The following METAP1D variants were observed in gnomAD, a reference collection of about 807,000 sequenced individuals.
METAP1D encodes the protein methionine aminopeptidase 1D, mitochondrial.
METAP1D carries 31 observed loss-of-function variants against 40.5 expected under a neutral mutation model. That is an observed-to-expected ratio of 0.77 (90% CI 0.58 to 1.03). METAP1D has a LOEUF of 1.03. METAP1D is among the 50% of genes least tolerant of loss of function. The probability of loss-of-function intolerance (pLI) is 0.00; values close to 1 mark genes in which losing one functional copy is unlikely to be tolerated. For synonymous variants in METAP1D, 151 were observed against 146.4 expected (o/e 1.03, Z -0.22); for missense variants, 411 against 420.7 (o/e 0.98, Z 0.20).
In METAP1D at chr2:172,017,729, A is replaced by T. The variant is rs372684849; in HGVS notation, c.40+17720A>T. The stretch of plus-strand genomic sequence containing the variant: ...ACTTGAGGCCCTTCAAGCTGTCATC[A>T]TATCAGAGGTGATAAGACCCAGTGA... On this transcript the variant is annotated intron_variant, in intron 1 of 9. Transcript: ENST00000315796. Among the ~76,000 whole-genome samples, 318 of 152,346 alleles carry T rather than the reference A, an allele frequency of 2.1e-3. 1 individual carries two copies. The highest frequency in any genetic ancestry group is 0.019 in the South Asian group (94 of 4,824).
At chr2:172,018,943 G>A (rs949569180) in intron 1 of METAP1D, among the ~76,000 whole-genome samples, 4 of 152,080 alleles carry the variant, frequency 2.6e-5, no homozygotes, top group Admixed American at 6.6e-5. Context: ...GTCTTTCCTT[G>A]TCTTTCATGA....
At chr2:172,025,933 T>G in intron 1 of METAP1D, among the ~76,000 whole-genome samples, 1 of 152,348 alleles carries the variant, frequency 6.6e-6, no homozygotes, top group Non-Finnish European at 1.5e-5. Flanking sequence ...AATATTTTAG[T>G]AGGCATCTCT....
intron 1 of METAP1D, among the ~76,000 whole-genome samples, chr2:172,042,340 CATATATACATATATACATATGT>C (rs1689571059): frequency 2.3e-5 from 1 of 44,152 alleles, no homozygotes; most frequent in South Asian, 6.1e-4. Context: ...TACATGTGTA[CATATATACATATATACATATGT>C]ATGTGTACAT....
chr2:172,061,182 A>G (rs1690132707), intron 1 of METAP1D, among the ~76,000 whole-genome samples: 2 of 152,252 alleles, frequency 1.3e-5, no homozygotes, highest in Admixed American at 1.3e-4. Context: ...ACATTGCCAC[A>G]TAAGGTATTA....
chr2:172,066,168 C>A, intron 4 of METAP1D, 96 bp from the exon 5 acceptor site: 2 of 908,248 alleles, frequency 2.2e-6, no homozygotes, highest in South Asian at 1.5e-5. Flanking sequence ...TCACTGCATC[C>A]CATTGGGTTT....
At position 172,080,132 on chromosome 2, in the gene METAP1D, A is replaced by T. The variant is rs749923812; in HGVS notation, c.855A>T (p.Pro285=). 6.2e-7 allele frequency: 1 copy of T among 1,613,932 alleles called. No homozygotes were observed. The highest frequency in any genetic ancestry group is 1.3e-5 in the African/African-American group (1 of 75,070). ...TAAATATTTTTCCTCTTACAGAGCC[A>T]ATCATCACGGAGGGATCCCCTGAAT... is the stretch of plus-strand genomic sequence containing the variant. ...MEEGMAFTIE[P]IITEGSPEFK... Residue 285 remains proline (P), a synonymous_variant, in exon 9 of 10, where the codon CCA becomes CCT. Coordinates refer to ENST00000315796, the MANE Select transcript of METAP1D (RefSeq NM_199227.3).
At chr2:172,038,379 T>C (rs1421878681) in intron 1 of METAP1D, among the ~76,000 whole-genome samples, 1 of 152,172 alleles carries the variant, frequency 6.6e-6, no homozygotes, top group Non-Finnish European at 1.5e-5. Flanking sequence ...AGTGTAGAGC[T>C]AACTATCCAT....
Position 172,065,593 on chromosome 2 carries a change from T to G in METAP1D, c.349-11T>G, listed in dbSNP as rs571686031. On this transcript the variant is annotated splice_polypyrimidine_tract_variant and intron_variant, in intron 3 of 9. Transcript: ENST00000315796. The stretch of plus-strand genomic sequence containing the variant: ...ATTGTTGCTGCACAATTTCTTTATT[T>G]AACATTTTAGGTTGACATGACAACT... 5.0e-6 allele frequency: 8 copies of G among 1,611,832 alleles called. No homozygotes were observed. The South Asian group carries it at 7.7e-5, about 16-fold the overall frequency.
At position 172,076,204 on chromosome 2, in the gene METAP1D, AT is replaced by A. The variant is rs367854625; in HGVS notation, c.705-1582del. Among the ~76,000 whole-genome samples the A allele has an allele frequency of 2.2e-3, 325 of 146,892 alleles. 7 individuals carry two copies. The East Asian group carries it at 0.035, about 16-fold the overall frequency. On this transcript the variant is annotated intron_variant, in intron 6 of 9. Coordinates refer to ENST00000315796, the MANE Select transcript of METAP1D (RefSeq NM_199227.3). ...TAAAAACAAAAAAAAAAGAACCTAG[AT>A]TTTTTTTTTTAGAAGAGAAAATAGA...
intron 1 of METAP1D, among the ~76,000 whole-genome samples, chr2:172,018,269 C>T (rs570749304): frequency 2.7e-4 from 41 of 152,184 alleles, no homozygotes; most frequent in Non-Finnish European, 5.4e-4. Flanking sequence ...TCTACCCTTG[C>T]TGCCTCTCTT....
intron 1 of METAP1D, among the ~76,000 whole-genome samples, chr2:172,029,957 T>G (rs1434106976): frequency 6.6e-6 from 1 of 152,196 alleles, no homozygotes; most frequent in East Asian, 1.9e-4. Context: ...GGTTTCACTA[T>G]GTTGGCCAGG....
intron 1 of METAP1D, among the ~76,000 whole-genome samples, chr2:172,031,373 C>T (rs761993695): frequency 5.3e-5 from 8 of 151,808 alleles, no homozygotes; most frequent in Non-Finnish European, 8.8e-5. Flanking sequence ...GAGACACTCC[C>T]CTACCAGGGG....
Position 172,066,287 on chromosome 2 carries a change from T to C in METAP1D, c.521T>C (p.Ile174Thr). The C allele has an allele frequency of 6.2e-7, 1 of 1,612,260 alleles. No homozygotes were observed. Among genetic ancestry groups the C allele is most frequent in the Non-Finnish European group, 8.5e-7 (1 of 1,179,410 alleles). ...PDSRPLQDGD[I>T]INIDVTVYYN... is the part of the protein sequence containing the mutation. ...AGTCGACCTCTTCAGGATGGAGATA[T>C]TATCAACATTGATGTCACAGTGAGT... The change falls in exon 5 of 10, where the codon ATT becomes ACT. Residue 174 changes from isoleucine to threonine, a missense_variant. Coordinates refer to ENST00000315796, the MANE Select transcript of METAP1D (RefSeq NM_199227.3).
intron 1 of METAP1D, among the ~76,000 whole-genome samples, chr2:172,008,367 A>G (rs1474566896): frequency 6.6e-5 from 10 of 152,140 alleles, no homozygotes; most frequent in Non-Finnish European, 8.8e-5. Context: ...ACAAAGAGAA[A>G]CTTTCTCATC....
intron 1 of METAP1D, among the ~76,000 whole-genome samples, chr2:172,059,286 T>C (rs1690076752): frequency 1.3e-5 from 2 of 152,008 alleles, no homozygotes. Context: ...TTTTTGTATT[T>C]TTAGTAGAGA....
At chr2:172,009,899 T>C (rs189766471) in intron 1 of METAP1D, among the ~76,000 whole-genome samples, 1 of 152,114 alleles carries the variant, frequency 6.6e-6, no homozygotes, top group African/African-American at 2.4e-5. Flanking sequence ...ACCTGGTGGT[T>C]TGCTGGAAAG....
Position 172,063,801 on chromosome 2 carries a change from C to A in METAP1D, c.289C>A (p.Leu97Ile). 6.2e-7 allele frequency: 1 copy of A among 1,614,056 alleles called. No homozygotes were observed. The highest frequency in any genetic ancestry group is 2.2e-5 in the East Asian group (1 of 44,884). Residue 97 changes from leucine to isoleucine, a missense_variant, in exon 3 of 10, where the codon CTT (leucine) becomes ATT (isoleucine). Leu to Ile is a conservative substitution (Grantham distance 5). Transcript: ENST00000315796. ...EVKNEDQIQG[L>I]HQACQLARHV... ...TAAGAATGAAGATCAGATTCAAGGG[C>A]TTCATCAGGCTTGTCAGCTGGCCCG...
At chr2:172,077,722 A>G (rs1213260350) in intron 6 of METAP1D, 75 bp from the exon 7 acceptor site, 1 of 654,134 alleles carries the variant, frequency 1.5e-6, no homozygotes, top group Non-Finnish European at 2.6e-6. Flanking sequence ...AATATTTTAA[A>G]GTGACTTTGT....
chr2:172,029,029 A>C (rs1263541634), intron 1 of METAP1D, among the ~76,000 whole-genome samples: 1 of 152,238 alleles, frequency 6.6e-6, no homozygotes, highest in African/African-American at 2.4e-5. Flanking sequence ...ATGCATGGTC[A>C]AACCATAACA....
Sources: allele counts gnomAD v4.1 joint callset (sites outside exome capture counted in the v4.1 genomes callset), GRCh38; gene constraint gnomAD v4.1.1; transcripts MANE v1.5; gene names NCBI Gene and HGNC (gene_info 2026-07-23, HGNC 2026-07-21).